Variants in CD81 observed in about 807,000 individuals in gnomAD.
CD81 encodes the protein CD81 molecule, also known as CD81 antigen.
Under a neutral mutation model 30.1 loss-of-function variants are expected in CD81, and 10 were observed. That is an observed-to-expected ratio of 0.33 (90% CI 0.21 to 0.56). The LOEUF is 0.56. Among genes scored for constraint, CD81 ranks in the 20% least tolerant of loss-of-function variants. The probability of loss-of-function intolerance (pLI) is 0.89; values close to 1 mark genes in which losing one functional copy is unlikely to be tolerated. For missense variants in CD81, 263 were observed against 308.7 expected (o/e 0.85, Z 1.11); for synonymous variants, 147 against 126.4 (o/e 1.16, Z -1.10).
At chr11:2,379,752 C>T (rs1380190303) in intron 1 of CD81, among the ~76,000 whole-genome samples, 1 of 152,056 alleles carries the variant, frequency 6.6e-6, no homozygotes, top group East Asian at 1.9e-4. Flanking sequence ...CCTCACCGCT[C>T]CTCTCCCCAG....
intron 2 of CD81, 186 bp from the exon 3 acceptor site, chr11:2,393,909 C>G: frequency 1.4e-6 from 1 of 703,054 alleles, no homozygotes; most frequent in Non-Finnish European, 2.6e-6. Context: ...GAAGAGGTAA[C>G]TGAGGCACAG....
At position 2,396,915 on chromosome 11, in the gene CD81, CCCGGACACTT is replaced by C. The variant is rs1206254690; in HGVS notation, c.*53_*62del. ...GACCTCTGCAGTGCCCCCTAAGTGA[CCCGGACACTT>C]CCGAGGGGGCCATCACCGCCTGTGT... On this transcript the variant is annotated 3_prime_UTR_variant, in exon 8 of 8. Coordinates refer to ENST00000263645, the MANE Select transcript of CD81 (RefSeq NM_004356.4). 1.9e-6 allele frequency: 3 copies of C among 1,562,086 alleles called. No homozygotes were observed. The East Asian group carries it at 6.7e-5, about 35-fold the overall frequency.
intron 1 of CD81, among the ~76,000 whole-genome samples, chr11:2,388,890 G>T (rs1018473540): frequency 6.6e-6 from 1 of 152,212 alleles, no homozygotes; most frequent in Non-Finnish European, 1.5e-5. Context: ...CGCACTTGTG[G>T]GGCCCTGACC....
chr11:2,396,845 C>T lies in CD81; in HGVS notation c.690C>T (p.Ile230=). 1 of 1,612,790 alleles carries T rather than the reference C, an allele frequency of 6.2e-7. No individual in the cohort carries two copies. Among genetic ancestry groups the T allele is most frequent in the African/African-American group, 1.3e-5 (1 of 75,062 alleles). ...MILSMVLCCG[I]RNSSVY ...TGAGCATGGTGCTGTGCTGTGGCAT[C>T]CGGAACAGCTCCGTGTACTGAGGCC... The change falls in exon 8 of 8, where the codon ATC becomes ATT. Residue 230 remains isoleucine (I), a synonymous_variant. Transcript: ENST00000263645.
At chr11:2,380,043 T>C (rs1399282775) in intron 1 of CD81, among the ~76,000 whole-genome samples, 1 of 152,098 alleles carries the variant, frequency 6.6e-6, no homozygotes, top group East Asian at 1.9e-4. Context: ...TGAGCCTACC[T>C]CCTGGTGGTG....
intron 1 of CD81, among the ~76,000 whole-genome samples, chr11:2,389,940 AG>A (rs754992335): frequency 3.8e-4 from 58 of 152,048 alleles, no homozygotes; most frequent in Non-Finnish European, 7.8e-4. Context: ...CCCTTGCAGG[AG>A]GGGGCAGTGT....
intron 7 of CD81, 38 bp from the exon 8 acceptor site, chr11:2,396,766 G>A: frequency 6.2e-7 from 1 of 1,612,180 alleles, no homozygotes; most frequent in Non-Finnish European, 8.5e-7. Context: ...CTTCCGCGGG[G>A]CCTTGTGCTG....
intron 1 of CD81, 131 bp from the exon 2 acceptor site, chr11:2,390,281 G>C: frequency 1.3e-6 from 1 of 788,804 alleles, no homozygotes; most frequent in Non-Finnish European, 2.2e-6. Context: ...AAAACCAGCA[G>C]CAGAGCTGAC....
chr11:2,377,492 C>A lies in CD81; in HGVS notation c.-58C>A. The A allele has an allele frequency of 1.2e-6, 1 of 810,310 alleles. No homozygotes were observed. The highest frequency in any genetic ancestry group is 1.5e-6 in the Non-Finnish European group (1 of 670,070). 50.2% of individuals were successfully genotyped at this position (810,310 alleles called of 1,614,324 possible). A position where few individuals can be genotyped will look rare whatever the true frequency, so the allele number is the denominator to read the frequency against. On this transcript the variant is annotated 5_prime_UTR_variant, in exon 1 of 8. Coordinates refer to ENST00000263645, the MANE Select transcript of CD81 (RefSeq NM_004356.4). This position sits in a 1 kb window ranked among gnomAD's most constrained non-coding sequence, Gnocchi z 7.7. Reference sequence around the variant, plus strand: ...GGCCACCCGCCAGGCCCCGCGCCGGCCCGCCCGCCGCCCAGGACCGGCCCG... The same window carrying A: ...GGCCACCCGCCAGGCCCCGCGCCGGACCGCCCGCCGCCCAGGACCGGCCCG...
At chr11:2,384,640 T>A (rs1249004639) in intron 1 of CD81, 1 of 181,028 alleles carries the variant, frequency 5.5e-6, no homozygotes, top group East Asian at 1.8e-4. Context: ...GAGGCTGGAG[T>A]ATCTTGGGAG....
chr11:2,388,372 C>T (rs892764343), intron 1 of CD81, among the ~76,000 whole-genome samples: 5 of 152,224 alleles, frequency 3.3e-5, no homozygotes, highest in Non-Finnish European at 5.9e-5. Context: ...GGGGGGTCCT[C>T]AGGCCGGGGA....
intron 3 of CD81, 58 bp downstream of exon 3, chr11:2,394,250 G>T: frequency 1.7e-6 from 2 of 1,186,768 alleles, no homozygotes; most frequent in Admixed American, 1.8e-5. Context: ...GCTGCGTCTG[G>T]CCCTGAGGAG....
intron 3 of CD81, among the ~76,000 whole-genome samples, 191 bp downstream of exon 3, chr11:2,394,383 C>A (rs1472379636): frequency 2.0e-5 from 3 of 152,190 alleles, no homozygotes; most frequent in African/African-American, 7.2e-5. Context: ...GTGGCCAGTT[C>A]CTACGTGACC....
At position 2,377,520 on chromosome 11, in the gene CD81, C is replaced by T. The variant is rs1417109841; in HGVS notation, c.-30C>T. 6.3e-6 allele frequency: 8 copies of T among 1,267,512 alleles called. No homozygotes were observed. The highest frequency in any genetic ancestry group is 8.2e-6 in the Non-Finnish European group (8 of 972,850). The allele number at this position is 1,267,512 out of a possible 1,614,324, so 78.5% of individuals were successfully genotyped here. On this transcript the variant is annotated 5_prime_UTR_variant, in exon 1 of 8. Coordinates refer to ENST00000263645, the MANE Select transcript of CD81 (RefSeq NM_004356.4). The surrounding 1 kb of genome is among the most constrained non-coding windows in gnomAD (Gnocchi z 7.7). ...GCCCGCCGCCCAGGACCGGCCCGCGCCCCGCAGGCCGCCCGCCGCCCGCGC... is the reference window on the plus strand; with the variant it reads ...GCCCGCCGCCCAGGACCGGCCCGCGTCCCGCAGGCCGCCCGCCGCCCGCGC...
At chr11:2,385,612 ACCCG>A (rs1849781688) in intron 1 of CD81, 1 of 49,478 alleles carries the variant, frequency 2.0e-5, no homozygotes, top group Admixed American at 2.3e-4. Context: ...CTGTCTGTGC[ACCCG>A]TGCTGTGGCG....
intron 1 of CD81, among the ~76,000 whole-genome samples, chr11:2,381,024 C>T (rs1849696346): frequency 6.6e-6 from 1 of 152,228 alleles, no homozygotes; most frequent in Non-Finnish European, 1.5e-5. Flanking sequence ...TTTCGCCGTC[C>T]TTCCGGGAGA....
intron 1 of CD81, chr11:2,386,635 C>A (rs544991357): frequency 7.4e-5 from 53 of 717,126 alleles, no homozygotes; most frequent in Admixed American, 1.4e-4. Flanking sequence ...AAGACCAAGG[C>A]TCAGGTGAGG....
chr11:2,396,612 C>T lies in CD81; in HGVS notation c.562-16C>T, dbSNP rs1286478384. On this transcript the variant is annotated splice_polypyrimidine_tract_variant and intron_variant, in intron 6 of 7. Coordinates refer to ENST00000263645, the MANE Select transcript of CD81 (RefSeq NM_004356.4). ...AGGCCCGGTCCCTGACCACGCGTGC[C>T]TGGCCACCCCTGCAGGAGGACTGCC... 4 of 1,608,448 alleles carry T rather than the reference C, an allele frequency of 2.5e-6. No individual in the cohort carries two copies. The highest frequency in any genetic ancestry group is 3.4e-6 in the Non-Finnish European group (4 of 1,178,576).
At chr11:2,396,259 C>T in intron 6 of CD81, 1 of 566,948 alleles carries the variant, frequency 1.8e-6, no homozygotes, top group Non-Finnish European at 3.2e-6. Flanking sequence ...TGTGGACGCC[C>T]CTGACAGCCT....
Sources: gnomAD v4.1 joint callset for allele counts (sites outside exome capture counted in the v4.1 genomes callset) on GRCh38, gnomAD v4.1.1 for gene constraint, Gnocchi (gnomAD v3.1) non-coding constraint, MANE v1.5 for transcripts, NCBI Gene and HGNC (gene_info 2026-07-23, HGNC 2026-07-21) for gene names.